Variants in DTX4 observed in about 807,000 individuals in gnomAD.
DTX4 encodes E3 ubiquitin-protein ligase DTX4.
DTX4 carries 28 observed loss-of-function variants against 57.6 expected under a neutral mutation model. The ratio of observed to expected loss-of-function variants is 0.49; its 90% confidence interval spans 0.36 to 0.67. DTX4 has a LOEUF of 0.67. Ranked by LOEUF, DTX4 falls within the 30% of genes least tolerant of loss-of-function variation. The pLI, the probability that DTX4 is intolerant of heterozygous loss-of-function variation, is 0.00. For synonymous variants in DTX4, 316 were observed against 331.0 expected, an observed-to-expected ratio of 0.95 and a Z score of 0.49; for missense variants, 715 against 836.8, an observed-to-expected ratio of 0.85 and a Z score of 1.80.
chr11:59,171,972 C>T (rs975249159), upstream of DTX4, among the ~76,000 whole-genome samples: 10 of 151,892 alleles, frequency 6.6e-5, no homozygotes, highest in African/African-American at 2.4e-4. Context: ...CACACGCGGG[C>T]GCGGGTTTGC....
intron 7 of DTX4, among the ~76,000 whole-genome samples, chr11:59,197,799 A>G (rs1272900316): frequency 1.3e-5 from 2 of 152,170 alleles, no homozygotes. Flanking sequence ...CATGAATGAA[A>G]AAACAGGACT....
intron 2 of DTX4, among the ~76,000 whole-genome samples, chr11:59,188,444 G>C (rs1301188118): frequency 2.0e-5 from 3 of 152,180 alleles, no homozygotes; most frequent in African/African-American, 7.2e-5. Context: ...CTTGAGAGCT[G>C]AGTGATATGA....
rs185955675 is a variant in DTX4 at position 59,195,455 on chromosome 11, G to A, written c.1536+86G>A. The stretch of plus-strand genomic sequence containing the variant: ...TTGTAGGTAAAAAGTTACATATGAA[G>A]AGTCTCCTTCCCACACTTTTCCGCC... On this transcript the variant is annotated intron_variant, in intron 7 of 8. Coordinates refer to ENST00000227451, the MANE Select transcript of DTX4 (RefSeq NM_015177.2). The A allele has an allele frequency of 7.5e-4, 1,080 of 1,442,550 alleles. 8 individuals are homozygous for A. In the African/African-American group the frequency reaches 0.013, roughly 17 times the overall value. The allele number at this position is 1,442,550 out of a possible 1,614,324, so 89.4% of individuals were successfully genotyped here.
chr11:59,188,817 C>A (rs1160135242), intron 3 of DTX4, 21 bp downstream of exon 3: 3 of 1,607,076 alleles, frequency 1.9e-6, no homozygotes, highest in African/African-American at 1.3e-5. Context: ...CCCCAGGATG[C>A]TCTGGGTTAA....
chr11:59,183,922 C>T (rs992270865), intron 2 of DTX4, among the ~76,000 whole-genome samples: 1 of 152,208 alleles, frequency 6.6e-6, no homozygotes, highest in African/African-American at 2.4e-5. Flanking sequence ...AGACATCCTG[C>T]TCAGAATTGA....
At chr11:59,176,531 G>A (rs910111627) in intron 1 of DTX4, among the ~76,000 whole-genome samples, 1 of 152,244 alleles carries the variant, frequency 6.6e-6, no homozygotes, top group Non-Finnish European at 1.5e-5. Context: ...CAATAATAGA[G>A]CATCCAAATA....
At chr11:59,182,502 G>A in intron 2 of DTX4, 40 bp downstream of exon 2, 1 of 1,535,192 alleles carries the variant, frequency 6.5e-7, no homozygotes, top group East Asian at 2.3e-5. Flanking sequence ...TTTACTCAGG[G>A]TAGAGATAGG....
intron 4 of DTX4, among the ~76,000 whole-genome samples, chr11:59,190,345 C>T (rs924060550): frequency 8.5e-5 from 13 of 152,230 alleles, no homozygotes; most frequent in Admixed American, 4.6e-4. Context: ...TCCATTTGCT[C>T]ATTCAATTGT....
chr11:59,206,895 C>T lies in DTX4; in HGVS notation c.*1986C>T, dbSNP rs1862818424. 6.6e-6 allele frequency: 1 copy of T among 152,610 alleles called. No homozygotes were observed. The highest frequency in any genetic ancestry group is 1.5e-5 in the Non-Finnish European group (1 of 68,034). 9.5% of individuals were successfully genotyped at this position (152,610 alleles called of 1,614,324 possible). On this transcript the variant is annotated 3_prime_UTR_variant, in exon 9 of 9. Transcript: ENST00000227451. ...TCGGCAGGCAGCCATTGTATCTCACCAGCAGACCAGGAGACTGGTCCCAAG... is the reference window on the plus strand; with the variant it reads ...TCGGCAGGCAGCCATTGTATCTCACTAGCAGACCAGGAGACTGGTCCCAAG...
rs1304854124 is a variant in DTX4 at position 59,181,751 on chromosome 11, C to G, written c.224C>G (p.Pro75Arg). ...CCCACCCTGGCAGGAACTCTCCGCC[C>G]AGTTCGCCGCAACTACTACGACCCC... ...QFRQDTGTLRPVRRNYYDPSS... is the reference protein window; with the variant it reads ...QFRQDTGTLRRVRRNYYDPSS... Residue 75 changes from proline (P) to arginine (R), a missense_variant, in exon 2 of 9, where the codon CCA (proline) becomes CGA (arginine). By Grantham distance (103) the Pro-to-Arg change is moderately radical. Transcript: ENST00000227451. 1 of 1,603,362 alleles carries G rather than the reference C, an allele frequency of 6.2e-7. No individual in the cohort carries two copies. Among genetic ancestry groups the G allele is most frequent in the East Asian group, 2.2e-5 (1 of 44,736 alleles).
chr11:59,190,259 C>T (rs1565218946), intron 4 of DTX4, among the ~76,000 whole-genome samples: 1 of 152,186 alleles, frequency 6.6e-6, no homozygotes, highest in Non-Finnish European at 1.5e-5. Context: ...CAGCATTTTA[C>T]ACTTTCCCAC....
At chr11:59,204,125 T>A (rs899044203) in intron 8 of DTX4, among the ~76,000 whole-genome samples, 1 of 152,200 alleles carries the variant, frequency 6.6e-6, no homozygotes, top group Non-Finnish European at 1.5e-5. Flanking sequence ...GCCTCAGTTT[T>A]CTCACCTCGA....
At chr11:59,199,542 C>T (rs1862715199) in intron 7 of DTX4, 142 bp from the exon 8 acceptor site, 1 of 677,520 alleles carries the variant, frequency 1.5e-6, no homozygotes, top group Non-Finnish European at 2.5e-6. Flanking sequence ...TGACCACTCA[C>T]AGTGCTTTTT....
At chr11:59,189,042 A>G in intron 3 of DTX4, 120 bp from the exon 4 acceptor site, 1 of 1,260,270 alleles carries the variant, frequency 7.9e-7, no homozygotes, top group Non-Finnish European at 1.1e-6. Context: ...TAGAGAATCC[A>G]GGAATTATGA....
intron 2 of DTX4, among the ~76,000 whole-genome samples, chr11:59,183,241 A>C (rs1862488051): frequency 6.6e-6 from 1 of 152,162 alleles, no homozygotes; most frequent in Admixed American, 6.5e-5. Context: ...AGTAGGTGCA[A>C]AATGAGAGTT....
At position 59,199,766 on chromosome 11, in the gene DTX4, G is replaced by A; in HGVS notation, c.1619G>A (p.Gly540Glu). The change falls in exon 8 of 9, where the codon GGG becomes GAG. Residue 540 changes from glycine to glutamate, a missense_variant. By Grantham distance (98) the Gly-to-Glu change is moderately conservative. Transcript: ENST00000227451. ...TGTTACCTTCCGGACAGCGAGAAAG[G>A]GAGAAAAGTAAGACCGGAAGTTTCC... is the stretch of plus-strand genomic sequence containing the variant. ...RHCYLPDSEK[G>E]RKVLKLLLVA... 1.3e-6 allele frequency: 2 copies of A among 1,561,204 alleles called. No homozygotes were observed. The highest frequency in any genetic ancestry group is 1.2e-5 in the South Asian group (1 of 84,454).
rs1393059286 is a variant in DTX4, at chr11:59,204,699, C to T, written c.1650C>T (p.Ala550=). The T allele has an allele frequency of 6.2e-7, 1 of 1,613,490 alleles. No homozygotes were observed. The highest frequency in any genetic ancestry group is 8.5e-7 in the Non-Finnish European group (1 of 1,179,702). ...AGGTTCTGAAGCTGCTGCTCGTGGCCTGGGATCGCCGCCTCATTTTTGCCA... is the reference window on the plus strand; with the variant it reads ...AGGTTCTGAAGCTGCTGCTCGTGGCTTGGGATCGCCGCCTCATTTTTGCCA... The part of the protein sequence containing the change: ...GRKVLKLLLV[A]WDRRLIFAIG... Residue 550 remains alanine, a synonymous_variant, in exon 9 of 9, where the codon GCC becomes GCT. Transcript: ENST00000227451.
intron 7 of DTX4, among the ~76,000 whole-genome samples, chr11:59,199,258 C>A (rs1862711855): frequency 6.6e-6 from 1 of 152,202 alleles, no homozygotes; most frequent in Non-Finnish European, 1.5e-5. Context: ...ATTACAGAAG[C>A]CACATATCTT....
At chr11:59,199,084 A>G (rs1351860550) in intron 7 of DTX4, among the ~76,000 whole-genome samples, 1 of 152,208 alleles carries the variant, frequency 6.6e-6, no homozygotes, top group East Asian at 1.9e-4. Context: ...AAAGAAGAAA[A>G]CAAACAAAAA....
Sources: allele counts gnomAD v4.1 joint callset (sites outside exome capture counted in the v4.1 genomes callset), GRCh38; gene constraint gnomAD v4.1.1; transcripts MANE v1.5; gene names NCBI Gene and HGNC (gene_info 2026-07-23, HGNC 2026-07-21).